The following FBLN2 variants were observed in gnomAD, a reference collection of about 807,000 sequenced individuals.
FBLN2 encodes fibulin-2.
FBLN2 carries 81 observed loss-of-function variants against 123.7 expected under a neutral mutation model. The ratio of observed to expected loss-of-function variants is 0.65; its 90% CI spans 0.55 to 0.79. FBLN2 has a LOEUF of 0.79. Among genes scored for constraint, FBLN2 ranks in the 30% least tolerant of loss-of-function variants. FBLN2 has a pLI of 0.00. For missense variants in FBLN2, 1,603 were observed against 1,681.3 expected (o/e 0.95, Z 0.81); for synonymous variants, 699 against 701.4 (o/e 1.00, Z 0.05).
chr3:13,555,510 AG>A (rs2125031712), intron 1 of FBLN2, among the ~76,000 whole-genome samples: 1 of 151,902 alleles, frequency 6.6e-6, no homozygotes, highest in East Asian at 1.9e-4. Flanking sequence ...GCTGAAGTGC[AG>A]TGGCGCCATC....
intron 10 of FBLN2, 28 bp from the exon 11 acceptor site, chr3:13,627,804 C>A: frequency 6.2e-7 from 1 of 1,602,416 alleles, no homozygotes. Context: ...TGCCCCCCAG[C>A]CCTTGACACC....
intron 1 of FBLN2, among the ~76,000 whole-genome samples, chr3:13,569,436 G>A (rs1479144554): frequency 6.6e-6 from 1 of 152,066 alleles, no homozygotes; most frequent in African/African-American, 2.4e-5. Flanking sequence ...TGGCGGGGCT[G>A]TTCCAGTGGA....
At chr3:13,599,515 A>G (rs763597160) in intron 2 of FBLN2, among the ~76,000 whole-genome samples, 5 of 152,144 alleles carry the variant, frequency 3.3e-5, no homozygotes, top group Admixed American at 3.3e-4. Context: ...ACGGGGGGTC[A>G]TAGGCGCAGG....
intron 3 of FBLN2, among the ~76,000 whole-genome samples, chr3:13,608,421 C>T (rs556808822): frequency 6.6e-6 from 1 of 152,324 alleles, no homozygotes; most frequent in South Asian, 2.1e-4. Context: ...GAGCAAGATC[C>T]GAGGAATGTA....
rs888884279 is a variant in FBLN2 at position 13,638,077 on chromosome 3, A to G, written c.*158A>G. On this transcript the variant is annotated 3_prime_UTR_variant, in exon 18 of 18. Transcript: ENST00000404922. Reference sequence around the variant, plus strand: ...CTTCTGGACCCCTCCTCTGCCCCGCAGGAGGAAGTTCCACGGCAGGTGGTG... The same window carrying G: ...CTTCTGGACCCCTCCTCTGCCCCGCGGGAGGAAGTTCCACGGCAGGTGGTG... 3.6e-5 allele frequency: 26 copies of G among 731,374 alleles called. No individual in the cohort carries two copies. The African/African-American group carries it at 3.8e-4, about 11-fold the overall frequency. 45.3% of individuals were successfully genotyped at this position (731,374 alleles called of 1,614,324 possible).
At chr3:13,565,147 G>T (rs1400948492) in intron 1 of FBLN2, among the ~76,000 whole-genome samples, 1 of 152,190 alleles carries the variant, frequency 6.6e-6, no homozygotes, top group Admixed American at 6.5e-5. Context: ...CCCCCACATT[G>T]CCCTGTGCAC....
At chr3:13,616,193 T>C (rs554721035) in intron 5 of FBLN2, among the ~76,000 whole-genome samples, 6 of 152,274 alleles carry the variant, frequency 3.9e-5, no homozygotes, top group Middle Eastern at 3.4e-3. Context: ...CTTGCTGAGA[T>C]TGGCTCTAAG....
At chr3:13,603,834 C>T (rs1405606052) in intron 2 of FBLN2, among the ~76,000 whole-genome samples, 2 of 152,188 alleles carry the variant, frequency 1.3e-5, no homozygotes, top group Non-Finnish European at 2.9e-5. Flanking sequence ...AATGGTTGAA[C>T]TAGTTTACAG....
intron 2 of FBLN2, among the ~76,000 whole-genome samples, chr3:13,595,760 C>T (rs945887817): frequency 1.3e-5 from 2 of 152,212 alleles, no homozygotes; most frequent in Non-Finnish European, 2.9e-5. Context: ...GCGGTCATGA[C>T]CTCTGCACTG....
chr3:13,586,844 TAA>T (rs112752854), intron 2 of FBLN2, among the ~76,000 whole-genome samples: 126 of 144,970 alleles, frequency 8.7e-4, no homozygotes, highest in Middle Eastern at 3.6e-3. Context: ...ATTTAAAAGT[TAA>T]AAAAAAAAAA....
chr3:13,629,459 A>G (rs1332744035), intron 13 of FBLN2, among the ~76,000 whole-genome samples, 167 bp downstream of exon 13: 1 of 152,020 alleles, frequency 6.6e-6, no homozygotes, highest in Non-Finnish European at 1.5e-5. Flanking sequence ...TGGGCCTGCC[A>G]GGACCTGGCT....
In FBLN2 at chr3:13,570,864, T is replaced by A. The variant is rs368144275; in HGVS notation, c.509T>A (p.Ile170Asn). The change falls in exon 2 of 18, where the codon ATC (isoleucine) becomes AAC (asparagine). Residue 170 changes from isoleucine to asparagine, a missense_variant. Ile to Asn is a moderately radical substitution (Grantham distance 149). Transcript: ENST00000404922. ...TGCCCTGACGCCGGTGGAGAGCTCA[T>A]CTGCTACCAGCTCCCCGGTTGCCAC... Reference protein sequence around the residue: ...CHCPDAGGELICYQLPGCHGN... With the variant: ...CHCPDAGGELNCYQLPGCHGN... The A allele has an allele frequency of 3.1e-6, 5 of 1,610,746 alleles. No individual in the cohort carries two copies. The African/African-American group carries it at 5.3e-5, about 17-fold the overall frequency.
intron 2 of FBLN2, among the ~76,000 whole-genome samples, chr3:13,577,355 G>A (rs1025943260): frequency 6.6e-6 from 1 of 152,124 alleles, no homozygotes; most frequent in African/African-American, 2.4e-5. Flanking sequence ...AGGGAGCGGC[G>A]AGTGCAAAGG....
chr3:13,576,765 C>A (rs113263901), intron 2 of FBLN2, among the ~76,000 whole-genome samples: 105 of 149,980 alleles, frequency 7.0e-4, no homozygotes, highest in African/African-American at 2.6e-3. Context: ...GTATTTATAG[C>A]GCTCCAACTG....
In FBLN2 at chr3:13,637,617, C is replaced by T. The variant is rs200478165; in HGVS notation, c.3394C>T (p.Arg1132Cys). The change falls in exon 18 of 18, where the codon CGC becomes TGC. Residue 1132 changes from arginine (R) to cysteine (C), a missense_variant. Physicochemically the swap from Arg to Cys is radical, Grantham distance 180. Transcript: ENST00000404922. Reference protein sequence around the residue: ...DFLECQNSPARITHYQLNFQT... With the variant: ...DFLECQNSPACITHYQLNFQT... Reference sequence around the variant, plus strand: ...CCTGGAGTGCCAGAACTCGCCAGCGCGCATCACGCACTACCAGCTCAACTT... The same window carrying T: ...CCTGGAGTGCCAGAACTCGCCAGCGTGCATCACGCACTACCAGCTCAACTT... 9.3e-6 allele frequency: 15 copies of T among 1,613,818 alleles called. No homozygotes were observed. Among genetic ancestry groups the T allele is most frequent in the Admixed American group, 1.7e-5 (1 of 60,016 alleles).
chr3:13,614,031 C>A lies in FBLN2; in HGVS notation c.1596C>A (p.Gly532=). ...CGLGLRVRAE[G]QSCESNPNLG... Reference sequence around the variant, plus strand: ...TGGGCCTCCGCGTGCGGGCCGAGGGCCAGTCGTGTGAGTCCAATCCTAACC... The same window carrying A: ...TGGGCCTCCGCGTGCGGGCCGAGGGACAGTCGTGTGAGTCCAATCCTAACC... The change falls in exon 5 of 18, where the codon GGC becomes GGA. Residue 532 remains glycine, a synonymous_variant. Transcript: ENST00000404922. The A allele has an allele frequency of 6.2e-7, 1 of 1,613,486 alleles. No individual in the cohort carries two copies. Among genetic ancestry groups the A allele is most frequent in the Non-Finnish European group, 8.5e-7 (1 of 1,179,866 alleles).
chr3:13,569,556 G>T (rs566608630), intron 1 of FBLN2, among the ~76,000 whole-genome samples: 1 of 152,024 alleles, frequency 6.6e-6, no homozygotes, highest in Admixed American at 6.6e-5. Context: ...ATGACTGGGG[G>T]AGTTGGTGGG....
chr3:13,598,159 T>C (rs1482276303), intron 2 of FBLN2, among the ~76,000 whole-genome samples: 2 of 152,344 alleles, frequency 1.3e-5, no homozygotes, highest in South Asian at 2.1e-4. Context: ...AATCCTTCCA[T>C]GGATTTGTCT....
rs181927112 is a variant in FBLN2 at position 13,552,501 on chromosome 3, G to T, written c.-42+3293G>T. Among the ~76,000 whole-genome samples, 498 of 152,286 alleles carry T rather than the reference G, an allele frequency of 3.3e-3. 1 individual carries two copies. The highest frequency in any genetic ancestry group is 6.0e-3 in the Non-Finnish European group (406 of 67,994). On this transcript the variant is annotated intron_variant, in intron 1 of 17. Coordinates refer to ENST00000404922, the MANE Select transcript of FBLN2 (RefSeq NM_001004019.2). The stretch of plus-strand genomic sequence containing the variant: ...AGGTCCCCGAGTGTGGGTGGTGCAG[G>T]TGTCCGTGTGGCTGCAGGCAGCTCT...
Sources: gnomAD v4.1 joint callset for allele counts (sites outside exome capture counted in the v4.1 genomes callset) on GRCh38, gnomAD v4.1.1 for gene constraint, MANE v1.5 for transcripts, NCBI Gene and HGNC (gene_info 2026-07-23, HGNC 2026-07-21) for gene names.